Variants in SLC19A1 observed in about 807,000 individuals in gnomAD.
The protein encoded by SLC19A1 is solute carrier family 19 member 1.
A neutral mutation model predicts 35.3 loss-of-function variants in SLC19A1; 37 were observed. The observed-to-expected ratio is 1.05, with a 90% CI of 0.81 to 1.38. SLC19A1 has a LOEUF of 1.38. SLC19A1 is among the 40% of genes most tolerant of loss of function. The probability of loss-of-function intolerance (pLI) is 0.00; values close to 1 mark genes in which losing one functional copy is unlikely to be tolerated. For missense variants in SLC19A1, 831 were observed against 826.9 expected (o/e 1.00, Z -0.06); for synonymous variants, 460 against 398.5 (o/e 1.15, Z -1.84).
intron 2 of SLC19A1, among the ~76,000 whole-genome samples, chr21:45,537,488 C>G (rs2078153020): frequency 6.7e-6 from 1 of 149,764 alleles, no homozygotes; most frequent in Non-Finnish European, 1.5e-5. Context: ...GGCGGCCGCC[C>G]AGCACCCCGG....
At position 45,513,825 on chromosome 21, in the gene SLC19A1, A is replaced by T. The variant is rs1179582291; in HGVS notation, c.*1833T>A. The stretch of plus-strand genomic sequence containing the variant: ...TGGACTGCCCCACTGGCAGATCCCG[A>T]GTGTGCACAGGCACGCACGGTTACA... On this transcript the variant is annotated 3_prime_UTR_variant, in exon 6 of 6. Transcript: ENST00000311124. The T allele has an allele frequency of 1.3e-5, 2 of 152,242 alleles. No individual in the cohort carries two copies. Among genetic ancestry groups the T allele is most frequent in the Admixed American group, 6.5e-5 (1 of 15,292 alleles). The allele number at this position is 152,242 out of a possible 1,614,324, so 9.4% of individuals were successfully genotyped here.
At chr21:45,545,761 A>T (rs1445311961), upstream of SLC19A1, among the ~76,000 whole-genome samples, 1 of 152,218 alleles carries the variant, frequency 6.6e-6, no homozygotes, top group African/African-American at 2.4e-5. Flanking sequence ...ATGCCCCAGC[A>T]TGTGCAGTGA....
rs552603626 is a variant in SLC19A1, at chr21:45,526,883, G to A, written c.1152-925C>T. 3.0e-4 allele frequency among the ~76,000 whole-genome samples: 46 copies of A among 152,328 alleles called. No individual in the cohort carries two copies. In the South Asian group the frequency reaches 9.1e-3, roughly 30 times the overall value. On this transcript the variant is annotated intron_variant, in intron 4 of 5. Coordinates refer to ENST00000311124, the MANE Select transcript of SLC19A1 (RefSeq NM_194255.4). ...CACTGCGCCCAGCTGAATTCTGGCT[G>A]TTTTGATTAGGGATGCTGAACCTAT... is the stretch of plus-strand genomic sequence containing the variant.
At chr21:45,509,361 T>C (rs752712792), downstream of SLC19A1, 6 of 1,545,708 alleles carry the variant, frequency 3.9e-6, no homozygotes, top group African/African-American at 6.9e-5. Context: ...TGCAGGACAA[T>C]GAAGTGGCCG....
downstream of SLC19A1, chr21:45,509,716 G>C (rs1275130323): frequency 6.7e-6 from 5 of 745,204 alleles, no homozygotes; most frequent in Non-Finnish European, 1.2e-5. Context: ...CCATGGGTGG[G>C]GGTCTGGCGG....
chr21:45,552,581 A>G (rs972880945), intron 1 of SLC19A1, among the ~76,000 whole-genome samples: 1 of 152,232 alleles, frequency 6.6e-6, no homozygotes, highest in Non-Finnish European at 1.5e-5. Context: ...AGCGCGTGCT[A>G]TAATCCGCAG....
Position 45,533,776 on chromosome 21 carries a change from G to A in SLC19A1, c.190-1628C>T, listed in dbSNP as rs2078015368. 6.6e-6 allele frequency among the ~76,000 whole-genome samples: 1 copy of A among 152,174 alleles called. No homozygotes were observed. Among genetic ancestry groups the A allele is most frequent in the Admixed American group, 6.5e-5 (1 of 15,290 alleles). On this transcript the variant is annotated intron_variant, in intron 2 of 5. Coordinates refer to ENST00000311124, the MANE Select transcript of SLC19A1 (RefSeq NM_194255.4). This position sits in a 1 kb window ranked among gnomAD's most constrained non-coding sequence, Gnocchi z 4.5. The stretch of plus-strand genomic sequence containing the variant: ...ACCAAACCCTGGGTCAGCACGTGGG[G>A]TGCTGCGCCGAGCCACGCCGCCTCC...
intron 3 of SLC19A1, chr21:45,504,119 C>T (rs903648055): frequency 1.0e-5 from 16 of 1,558,422 alleles, no homozygotes; most frequent in African/African-American, 1.4e-5. Flanking sequence ...GGTGGCTGCT[C>T]CCAATTTCTC....
At position 45,534,558 on chromosome 21, in the gene SLC19A1, C is replaced by T; in HGVS notation, c.190-2410G>A. On this transcript the variant is annotated intron_variant, in intron 2 of 5. Transcript: ENST00000311124. This position sits in a 1 kb window ranked among gnomAD's most constrained non-coding sequence, Gnocchi z 4.2. ...CCCACCTCCGAATGAATGGAGCATGCCTCATTTCCTCTTCCACCAGGAGCT... is the reference window on the plus strand; with the variant it reads ...CCCACCTCCGAATGAATGGAGCATGTCTCATTTCCTCTTCCACCAGGAGCT... 6.5e-7 allele frequency: 1 copy of T among 1,535,686 alleles called. No homozygotes were observed. Among genetic ancestry groups the T allele is most frequent in the Non-Finnish European group, 8.7e-7 (1 of 1,146,860 alleles).
At position 45,555,326 on chromosome 21, in the gene SLC19A1, G is replaced by GGGGGGCGGC. The variant is rs1569032518; in HGVS notation, c.-50+7407_-50+7415dup. Among the ~76,000 whole-genome samples the GGGGGGCGGC allele has an allele frequency of 7.2e-4, 5 of 6,972 alleles. 2 individuals are homozygous for GGGGGGCGGC. Among genetic ancestry groups the GGGGGGCGGC allele is most frequent in the East Asian group, 0.012 (2 of 172 alleles). 4.6% of individuals were successfully genotyped at this position (6,972 alleles called of 152,430 possible). A position where few individuals can be genotyped will look rare whatever the true frequency, so the allele number is the denominator to read the frequency against. ...GGCGGCGGGGGCGGCGGGGGGCGGC[G>GGGGGGCGGC]GGGGGCGGCGGGGGCGGCAGCGCTG... is the stretch of plus-strand genomic sequence containing the variant. On this transcript the variant is annotated intron_variant, in intron 1 of 5. Coordinates refer to the SLC19A1 transcript ENST00000650808.
chr21:45,560,096 G>A (rs1407749380), intron 1 of SLC19A1, among the ~76,000 whole-genome samples: 2 of 151,682 alleles, frequency 1.3e-5, no homozygotes, highest in African/African-American at 4.9e-5. Flanking sequence ...TGGCTAGAAC[G>A]TGGGCATAGG....
chr21:45,519,319 A>G (rs749761982), intron 5 of SLC19A1, among the ~76,000 whole-genome samples: 4 of 152,214 alleles, frequency 2.6e-5, no homozygotes, highest in Non-Finnish European at 5.9e-5. Context: ...ACGAAATGGC[A>G]GACTTAGGCC....
At chr21:45,541,747 CA>C (rs1408497687) in intron 1 of SLC19A1, 1 of 152,280 alleles carries the variant, frequency 6.6e-6, no homozygotes, top group Non-Finnish European at 1.5e-5. Context: ...GGAGATGTGC[CA>C]GGGGCCCGCC....
chr21:45,512,663 A>G lies in SLC19A1; in HGVS notation c.*2995T>C, dbSNP rs557060630. 37 of 546,938 alleles carry G rather than the reference A, an allele frequency of 6.8e-5. 1 individual carries two copies. The Middle Eastern group carries it at 4.5e-3, about 67-fold the overall frequency. The allele number at this position is 546,938 out of a possible 1,614,324, so 33.9% of individuals were successfully genotyped here. On this transcript the variant is annotated 3_prime_UTR_variant, in exon 6 of 6. Transcript: ENST00000311124. ...AGCCCAGCTGGGTCAGGCAGGGTGC[A>G]GTATCATGCCCTGTGCAACCTCTTG...
chr21:45,511,674 C>T (rs972401687), downstream of SLC19A1, among the ~76,000 whole-genome samples: 7 of 152,122 alleles, frequency 4.6e-5, no homozygotes, highest in Non-Finnish European at 1.0e-4. Flanking sequence ...GCCCTCCCCA[C>T]GTGAGCGCCG....
chr21:45,547,142 A>G (rs942990037), upstream of SLC19A1, among the ~76,000 whole-genome samples: 45 of 152,386 alleles, frequency 3.0e-4, no homozygotes, highest in African/African-American at 4.8e-5. Flanking sequence ...GCCAATGAAA[A>G]TCAGAAAATA....
In SLC19A1 at chr21:45,531,614, G is replaced by C. The variant is rs1233457073; in HGVS notation, c.724C>G (p.Leu242Val). 6.2e-7 allele frequency: 1 copy of C among 1,612,232 alleles called. No individual in the cohort carries two copies. Among genetic ancestry groups the C allele is most frequent in the Non-Finnish European group, 8.5e-7 (1 of 1,179,694 alleles). ...PGPGGKLGHA[L>V]RVACGDSVLA... ...ACTGAGTCCCCACAGGCCACCCGCAGGGCGTGTCCCAGCTTCCCGCCTGGG... is the reference window on the plus strand; with the variant it reads ...ACTGAGTCCCCACAGGCCACCCGCACGGCGTGTCCCAGCTTCCCGCCTGGG... The change falls in exon 3 of 6, where the codon CTG becomes GTG. Residue 242 changes from leucine to valine, a missense_variant. Coordinates refer to ENST00000311124, the MANE Select transcript of SLC19A1 (RefSeq NM_194255.4).
Position 45,515,020 on chromosome 21 carries a change from C to T in SLC19A1, c.*638G>A. 1 of 1,535,390 alleles carries T rather than the reference C, an allele frequency of 6.5e-7. No individual in the cohort carries two copies. Among genetic ancestry groups the T allele is most frequent in the Non-Finnish European group, 8.8e-7 (1 of 1,142,734 alleles). ...GAAGGACAGACAGGACCATGGAGGG[C>T]TGCCCTTAGGGTGGGAGAGAGGAAC... On this transcript the variant is annotated 3_prime_UTR_variant, in exon 6 of 6. Transcript: ENST00000311124.
intron 1 of SLC19A1, among the ~76,000 whole-genome samples, chr21:45,554,981 A>G (rs1333202716): frequency 6.6e-6 from 1 of 150,536 alleles, no homozygotes. Context: ...ATGTTTCCAG[A>G]ACCCCGCGCC....
Sources: gnomAD v4.1 joint callset for allele counts (sites outside exome capture counted in the v4.1 genomes callset) on GRCh38, gnomAD v4.1.1 for gene constraint, Gnocchi (gnomAD v3.1) non-coding constraint, MANE v1.5 for transcripts, NCBI Gene and HGNC (gene_info 2026-07-23, HGNC 2026-07-21) for gene names.